Variants in RARB observed in about 807,000 individuals in gnomAD.
RARB encodes HBV-activated protein.
RARB carries 17 observed loss-of-function variants against 51.9 expected under a neutral mutation model. The observed-to-expected ratio is 0.33, with a 90% CI of 0.22 to 0.49. The LOEUF (loss-of-function observed/expected upper bound fraction) is 0.49. RARB is among the 20% of genes least tolerant of loss of function. RARB has a pLI of 0.99. For missense variants in RARB, 369 were observed against 550.8 expected (o/e 0.67, Z 3.30); for synonymous variants, 215 against 195.4 (o/e 1.10, Z -0.84).
chr3:25,388,255 TA>T (rs1706852234), intron 5 of RARB, among the ~76,000 whole-genome samples: 1 of 152,240 alleles, frequency 6.6e-6, no homozygotes, highest in Non-Finnish European at 1.5e-5. Flanking sequence ...AAATTCTAAA[TA>T]ATCAATTTAC....
intron 3 of RARB, among the ~76,000 whole-genome samples, chr3:25,098,655 G>C (rs142091711): frequency 2.3e-4 from 35 of 152,234 alleles, no homozygotes; most frequent in African/African-American, 8.2e-4. Flanking sequence ...TTTATACATT[G>C]TCTATGGCTG....
chr3:25,505,062 A>C (rs574582232), intron 3 of RARB, among the ~76,000 whole-genome samples: 11 of 152,284 alleles, frequency 7.2e-5, no homozygotes, highest in African/African-American at 2.6e-4. Context: ...TACAGGCGTG[A>C]GCCACCGCGC....
chr3:24,859,036 C>CAAAAAAAAAAAAAAAAAA (rs1169235713), intron 2 of RARB, among the ~76,000 whole-genome samples: 1 of 50,320 alleles, frequency 2.0e-5, no homozygotes, highest in African/African-American at 6.5e-5. Flanking sequence ...GACTCTGTCT[C>CAAAAAAAAAAAAAAAAAA]AAAAAAAAAA....
chr3:25,075,565 G>A (rs559858937), intron 3 of RARB, among the ~76,000 whole-genome samples: 1 of 152,088 alleles, frequency 6.6e-6, no homozygotes, highest in South Asian at 2.1e-4. Flanking sequence ...ATTATAGCTA[G>A]GGGGAAATAT....
intron 5 of RARB, among the ~76,000 whole-genome samples, chr3:25,180,185 C>T (rs1352842460): frequency 6.6e-6 from 1 of 152,094 alleles, no homozygotes. Flanking sequence ...TTCTGCCAAT[C>T]ACCTTTTTCC....
At chr3:25,487,502 G>A (rs1246364887) in intron 2 of RARB, among the ~76,000 whole-genome samples, 1 of 150,202 alleles carries the variant, frequency 6.7e-6, no homozygotes, top group Non-Finnish European at 1.5e-5. Context: ...CTGTAAATGA[G>A]GACACCTAAT....
At chr3:25,335,414 A>G (rs1705035051) in intron 5 of RARB, among the ~76,000 whole-genome samples, 1 of 152,154 alleles carries the variant, frequency 6.6e-6, no homozygotes, top group African/African-American at 2.4e-5. Context: ...ATGAACTGAA[A>G]AGCTTTGCAG....
intron 1 of RARB, among the ~76,000 whole-genome samples, chr3:25,430,571 G>T (rs1274509500): frequency 6.6e-6 from 1 of 152,200 alleles, no homozygotes; most frequent in East Asian, 1.9e-4. Context: ...CTATTAAGTT[G>T]TAAGAGTAGG....
chr3:25,039,990 G>C (rs1328133297), intron 2 of RARB, among the ~76,000 whole-genome samples: 1 of 152,192 alleles, frequency 6.6e-6, no homozygotes, highest in African/African-American at 2.4e-5. Context: ...ACAAAAGAGA[G>C]ATGTTAGCTG....
In RARB at chr3:24,841,003, T is replaced by G. The variant is rs561999729; in HGVS notation, c.-459+11600T>G. Reference sequence around the variant, plus strand: ...ATGCAATGAGGGGTTTTGCACAGTATTTTGGAGATCAATGGGGCAGTTGTG... The same window carrying G: ...ATGCAATGAGGGGTTTTGCACAGTAGTTTGGAGATCAATGGGGCAGTTGTG... On this transcript the variant is annotated intron_variant, in intron 1 of 11. Coordinates refer to the RARB transcript ENST00000383772. Among the ~76,000 whole-genome samples the G allele has an allele frequency of 7.2e-5, 11 of 152,280 alleles. No homozygotes were observed. In the East Asian group the frequency reaches 2.1e-3, roughly 29 times the overall value.
At chr3:25,586,423 G>A (rs933599843) in intron 5 of RARB, among the ~76,000 whole-genome samples, 1 of 152,110 alleles carries the variant, frequency 6.6e-6, no homozygotes, top group African/African-American at 2.4e-5. Context: ...GGCTCGAAAG[G>A]GGGATTTAGT....
intron 1 of RARB, among the ~76,000 whole-genome samples, chr3:24,837,101 T>C (rs1025953501): frequency 2.0e-5 from 3 of 152,164 alleles, no homozygotes; most frequent in African/African-American, 4.8e-5. Flanking sequence ...ATAGTTTACC[T>C]CTTTGACCTT....
intron 5 of RARB, among the ~76,000 whole-genome samples, chr3:25,187,056 A>G: frequency 6.6e-6 from 1 of 151,894 alleles, no homozygotes; most frequent in South Asian, 2.1e-4. Context: ...GTTTGCTTAG[A>G]TTCTTGTCTG....
intron 2 of RARB, among the ~76,000 whole-genome samples, chr3:24,894,684 A>G (rs895294503): frequency 2.4e-4 from 36 of 152,224 alleles, no homozygotes; most frequent in African/African-American, 8.7e-4. Flanking sequence ...TGACTTAGCC[A>G]GTTTACTCTT....
intron 5 of RARB, among the ~76,000 whole-genome samples, chr3:25,275,304 T>A (rs893230721): frequency 2.6e-5 from 4 of 152,076 alleles, no homozygotes; most frequent in Non-Finnish European, 4.4e-5. Flanking sequence ...CTACAAAAGA[T>A]ACAAAAATTA....
intron 2 of RARB, among the ~76,000 whole-genome samples, chr3:24,986,607 A>G (rs1219337212): frequency 6.6e-6 from 1 of 152,234 alleles, no homozygotes. Flanking sequence ...TTCTGCTTCC[A>G]TAATGCTATT....
chr3:25,596,700 T>C lies in RARB; in HGVS notation c.*84T>C. ...CAAGAAAAAACATTTTTACTGCTGC[T>C]TAGTTTTTGGACTGAAAAGATATTA... On this transcript the variant is annotated 3_prime_UTR_variant, in exon 8 of 8. Coordinates refer to ENST00000330688, the MANE Select transcript of RARB (RefSeq NM_000965.5). 1 of 1,260,142 alleles carries C rather than the reference T, an allele frequency of 7.9e-7. No homozygotes were observed. Among genetic ancestry groups the C allele is most frequent in the Non-Finnish European group, 1.1e-6 (1 of 916,672 alleles). The allele number at this position is 1,260,142 out of a possible 1,614,324, so 78.1% of individuals were successfully genotyped here. A position where few individuals can be genotyped will look rare whatever the true frequency, so the allele number is the denominator to read the frequency against.
intron 5 of RARB, among the ~76,000 whole-genome samples, chr3:25,400,270 GGAGTTTGCCCAGTGATCGT>G (rs1202960937): frequency 3.3e-5 from 5 of 152,106 alleles, no homozygotes; most frequent in African/African-American, 4.8e-5. Context: ...CAGGAGTTTG[GGAGTTTGCCCAGTGATCGT>G]GATGAAATAA....
chr3:25,410,898 G>A (rs1707544628), intron 5 of RARB, among the ~76,000 whole-genome samples: 1 of 152,190 alleles, frequency 6.6e-6, no homozygotes. Flanking sequence ...ATGTTTAGGA[G>A]CATACTACTG....
Sources: allele counts gnomAD v4.1 joint callset (sites outside exome capture counted in the v4.1 genomes callset), GRCh38; gene constraint gnomAD v4.1.1; transcripts MANE v1.5; gene names NCBI Gene and HGNC (gene_info 2026-07-23, HGNC 2026-07-21).